The following GRM7 variants were observed in gnomAD, a reference collection of about 807,000 sequenced individuals.
GRM7 encodes metabotropic glutamate receptor 7.
Under a neutral mutation model 84.5 loss-of-function variants are expected in GRM7, and 35 were observed. That is an observed-to-expected ratio of 0.41 (90% confidence interval 0.32 to 0.55). The LOEUF is 0.55. Among genes scored for constraint, GRM7 ranks in the 20% least tolerant of loss-of-function variants. GRM7 has a pLI of 0.19. For missense variants in GRM7, 1,003 were observed against 1,194.6 expected (o/e 0.84, Z 2.36); for synonymous variants, 487 against 455.1 (o/e 1.07, Z -0.89).
Position 7,511,239 on chromosome 3 carries a change from C to T in GRM7, c.1515+49517C>T, listed in dbSNP as rs116829038. Among the ~76,000 whole-genome samples the T allele has an allele frequency of 3.1e-3, 479 of 152,256 alleles. 2 individuals carry two copies. The highest frequency in any genetic ancestry group is 0.011 in the African/African-American group (454 of 41,536). ...GACTATAGGGGTTGTGGGGAAGGAA[C>T]CTTGATTAAGGTCCCCATTATCTAG... On this transcript the variant is annotated intron_variant, in intron 7 of 9. Coordinates refer to ENST00000357716, the MANE Select transcript of GRM7 (RefSeq NM_000844.4).
chr3:7,328,766 A>T (rs1002709998), intron 4 of GRM7, among the ~76,000 whole-genome samples: 8 of 151,572 alleles, frequency 5.3e-5, no homozygotes, highest in Non-Finnish European at 8.8e-5. Flanking sequence ...TCCTAGACAT[A>T]GCAAATTGCA....
At chr3:7,103,142 T>C (rs987849101) in intron 1 of GRM7, among the ~76,000 whole-genome samples, 2 of 151,904 alleles carry the variant, frequency 1.3e-5, no homozygotes, top group African/African-American at 4.8e-5. Flanking sequence ...AGTAATATGC[T>C]GTAAGGGTTC....
chr3:6,933,978 A>C (rs543160981), intron 1 of GRM7, among the ~76,000 whole-genome samples: 22 of 152,324 alleles, frequency 1.4e-4, no homozygotes, highest in African/African-American at 5.1e-4. Context: ...AATGAGGACA[A>C]GGTTGGGCTA....
intron 4 of GRM7, among the ~76,000 whole-genome samples, chr3:7,321,598 G>A (rs960402189): frequency 6.6e-6 from 1 of 151,158 alleles, no homozygotes; most frequent in African/African-American, 2.4e-5. Context: ...TGGGTTTGTG[G>A]CAGTTTTATG....
chr3:7,175,114 G>T (rs1204110225), intron 2 of GRM7, among the ~76,000 whole-genome samples: 1 of 152,144 alleles, frequency 6.6e-6, no homozygotes, highest in African/African-American at 2.4e-5. Context: ...TGTTTTACTT[G>T]GTTCTAAATT....
intron 2 of GRM7, among the ~76,000 whole-genome samples, chr3:7,277,607 C>T (rs1247326408): frequency 1.3e-5 from 2 of 152,098 alleles, no homozygotes; most frequent in Non-Finnish European, 2.9e-5. Context: ...AGAGCAAAGA[C>T]CATCCTATTT....
chr3:7,657,653 G>T (rs1699263980), intron 8 of GRM7, among the ~76,000 whole-genome samples: 1 of 152,136 alleles, frequency 6.6e-6, no homozygotes, highest in African/African-American at 2.4e-5. Flanking sequence ...GAATGTGGAA[G>T]GGTTGAGCTC....
intron 9 of GRM7, among the ~76,000 whole-genome samples, chr3:7,718,048 A>G (rs902765341): frequency 2.0e-5 from 3 of 152,076 alleles, no homozygotes; most frequent in African/African-American, 7.2e-5. Context: ...GTTCACATGA[A>G]CTCTGGAGTC....
intron 1 of GRM7, among the ~76,000 whole-genome samples, chr3:6,929,003 A>G (rs1697403943): frequency 6.6e-6 from 1 of 152,170 alleles, no homozygotes; most frequent in African/African-American, 2.4e-5. Context: ...AGAGCTGAAC[A>G]TTCCACCCAC....
chr3:7,404,718 T>A (rs1236811760), intron 4 of GRM7, among the ~76,000 whole-genome samples: 1 of 152,008 alleles, frequency 6.6e-6, no homozygotes, highest in Non-Finnish European at 1.5e-5. Flanking sequence ...ATCTTGTCCA[T>A]CTCTTCCAAC....
chr3:7,144,989 T>G (rs562039049), intron 1 of GRM7, among the ~76,000 whole-genome samples: 2 of 152,148 alleles, frequency 1.3e-5, no homozygotes, highest in Non-Finnish European at 2.9e-5. Context: ...AGGACTTAAC[T>G]CTAATGCTGA....
At chr3:6,966,929 C>A (rs1032071227) in intron 1 of GRM7, among the ~76,000 whole-genome samples, 2 of 152,074 alleles carry the variant, frequency 1.3e-5, no homozygotes, top group African/African-American at 4.8e-5. Flanking sequence ...TCAGGTATCT[C>A]TCCTATAAGG....
chr3:7,608,798 G>A (rs1696712280), intron 8 of GRM7, among the ~76,000 whole-genome samples: 1 of 152,094 alleles, frequency 6.6e-6, no homozygotes, highest in Non-Finnish European at 1.5e-5. Flanking sequence ...CAGTTCCTAT[G>A]TCCGGGATAG....
intron 7 of GRM7, among the ~76,000 whole-genome samples, chr3:7,567,372 A>G (rs1694335865): frequency 6.6e-6 from 1 of 152,194 alleles, no homozygotes; most frequent in Non-Finnish European, 1.5e-5. Flanking sequence ...AGCAAAGCCA[A>G]ACAATGACAT....
At chr3:7,398,306 G>A (rs757974854) in intron 4 of GRM7, among the ~76,000 whole-genome samples, 1 of 152,094 alleles carries the variant, frequency 6.6e-6, no homozygotes, top group African/African-American at 2.4e-5. Flanking sequence ...TCCATGAAAC[G>A]AAAGGTTTGA....
intron 1 of GRM7, among the ~76,000 whole-genome samples, chr3:6,972,321 C>T (rs1046575408): frequency 6.6e-6 from 1 of 152,148 alleles, no homozygotes; most frequent in African/African-American, 2.4e-5. Flanking sequence ...CCTCAAACCT[C>T]GGCAGTACTG....
intron 8 of GRM7, among the ~76,000 whole-genome samples, chr3:7,651,092 C>G (rs1244180177): frequency 6.6e-6 from 1 of 152,198 alleles, no homozygotes; most frequent in Non-Finnish European, 1.5e-5. Flanking sequence ...GGTGTTCATA[C>G]AGTTCACGTC....
At chr3:7,646,169 A>G (rs1698627453) in intron 8 of GRM7, among the ~76,000 whole-genome samples, 1 of 152,084 alleles carries the variant, frequency 6.6e-6, no homozygotes, top group African/African-American at 2.4e-5. Context: ...GCCTGGGTGG[A>G]CCACAGTCAA....
At chr3:7,249,590 T>G (rs555506586) in intron 2 of GRM7, among the ~76,000 whole-genome samples, 1 of 152,236 alleles carries the variant, frequency 6.6e-6, no homozygotes, top group South Asian at 2.1e-4. Flanking sequence ...CAAAATTGGA[T>G]GTAGAAGTAA....
Sources: gnomAD v4.1 joint callset for allele counts (sites outside exome capture counted in the v4.1 genomes callset) on GRCh38, gnomAD v4.1.1 for gene constraint, MANE v1.5 for transcripts, NCBI Gene and HGNC (gene_info 2026-07-23, HGNC 2026-07-21) for gene names.